The following USP16 variants were observed in gnomAD, a reference collection of about 807,000 sequenced individuals.
USP16 encodes the protein ubiquitin specific peptidase 16.
USP16 carries 77 observed loss-of-function variants against 95.9 expected under a neutral mutation model. The observed-to-expected ratio is 0.80, with a 90% CI of 0.67 to 0.97. The LOEUF (loss-of-function observed/expected upper bound fraction) is 0.97, where lower values mean the gene tolerates loss of function less well. Ranked by LOEUF, USP16 falls within the 50% of genes least tolerant of loss-of-function variation. The pLI is 0.00. For synonymous variants in USP16, 303 were observed against 318.2 expected, an observed-to-expected ratio of 0.95 and a Z score of 0.51; for missense variants, 943 against 959.9, an observed-to-expected ratio of 0.98 and a Z score of 0.23.
chr21:29,026,213 C>G (rs901030228), intron 1 of USP16, among the ~76,000 whole-genome samples: 2 of 152,120 alleles, frequency 1.3e-5, no homozygotes, highest in Non-Finnish European at 2.9e-5. Context: ...AATCCCAGCA[C>G]TTTGGGAGGC....
At position 29,047,212 on chromosome 21, in the gene USP16, A is replaced by C. The variant is rs189217773; in HGVS notation, c.1902A>C (p.Gln634His). Residue 634 changes from glutamine to histidine, a missense_variant, in exon 14 of 18, where the codon CAA becomes CAC. Physicochemically the swap from Gln to His is conservative, Grantham distance 24. Transcript: ENST00000399976. ...EVFNTDECSI[Q>H]HCLYQFTRNE... is the part of the protein sequence containing the mutation. ...TCAATACTGATGAGTGTTCAATCCA[A>C]CATTGTTTATATCAGTTCACCCGTA... 6.2e-7 allele frequency: 1 copy of C among 1,614,154 alleles called. No homozygotes were observed. The highest frequency in any genetic ancestry group is 1.3e-5 in the African/African-American group (1 of 75,056).
chr21:29,047,074 T>C lies in USP16; in HGVS notation c.1764T>C (p.Asp588=), dbSNP rs2085337124. The C allele has an allele frequency of 6.2e-7, 1 of 1,614,068 alleles. No homozygotes were observed. Among genetic ancestry groups the C allele is most frequent in the Non-Finnish European group, 8.5e-7 (1 of 1,180,008 alleles). The change falls in exon 14 of 18, where the codon GAT becomes GAC. Residue 588 remains aspartate, a synonymous_variant. Coordinates refer to ENST00000399976, the MANE Select transcript of USP16 (RefSeq NM_006447.3). ...NLNLNAALHP[D]EINIEILNDS... is the part of the protein sequence containing the mutation. ...ATTTGAATGCTGCTCTTCATCCTGA[T>C]GAAATAAATATAGAGATTCTGAATG...
At position 29,030,637 on chromosome 21, in the gene USP16, A is replaced by G. The variant is rs1435019883; in HGVS notation, c.104A>G (p.Asn35Ser). The G allele has an allele frequency of 6.2e-7, 1 of 1,613,448 alleles. No homozygotes were observed. The highest frequency in any genetic ancestry group is 1.1e-5 in the South Asian group (1 of 90,880). ...RHIRKGLEQG[N>S]LKKALVNVEW... Reference sequence around the variant, plus strand: ...ATTAGAAAAGGATTGGAACAAGGTAATTTGAAAAAGGCTTTAGTGAATGTG... The same window carrying G: ...ATTAGAAAAGGATTGGAACAAGGTAGTTTGAAAAAGGCTTTAGTGAATGTG... The change falls in exon 3 of 18, where the codon AAT (asparagine) becomes AGT (serine). Residue 35 changes from asparagine to serine, a missense_variant. Coordinates refer to ENST00000399976, the MANE Select transcript of USP16 (RefSeq NM_006447.3).
chr21:29,047,376 C>T (rs989831610), intron 14 of USP16, 55 bp downstream of exon 14: 16 of 1,532,814 alleles, frequency 1.0e-5, no homozygotes, highest in Admixed American at 9.9e-5. Context: ...ACATTTTGCA[C>T]TGCATAGGTA....
intron 2 of USP16, among the ~76,000 whole-genome samples, chr21:29,029,026 C>A: frequency 6.6e-6 from 1 of 152,172 alleles, no homozygotes; most frequent in Non-Finnish European, 1.5e-5. Context: ...TTCCAGGCCC[C>A]CTATTAGCGT....
At chr21:29,029,491 C>A (rs2085047146) in intron 2 of USP16, among the ~76,000 whole-genome samples, 1 of 152,178 alleles carries the variant, frequency 6.6e-6, no homozygotes, top group African/African-American at 2.4e-5. Context: ...GTAGTTTTTC[C>A]ACCTGATCCC....
At chr21:29,038,464 T>G in intron 7 of USP16, 34 bp downstream of exon 7, 1 of 1,423,398 alleles carries the variant, frequency 7.0e-7, no homozygotes, top group Non-Finnish European at 9.9e-7. Flanking sequence ...TCTGTAACTT[T>G]CCTCTCTGAA....
chr21:29,053,588 A>T (rs552395057), intron 16 of USP16: 1 of 471,274 alleles, frequency 2.1e-6, no homozygotes, highest in Non-Finnish European at 3.6e-6. Flanking sequence ...TGTGGCTTAC[A>T]GCTTTTCTAC....
At position 29,054,402 on chromosome 21, in the gene USP16, A is replaced by G; in HGVS notation, c.*215A>G. ...TTTTATTCCTGCTTTGTTTCTGGAA[A>G]GGAAATCCTGAATTACTTAAGTACT... On this transcript the variant is annotated 3_prime_UTR_variant, in exon 18 of 18. Coordinates refer to ENST00000399976, the MANE Select transcript of USP16 (RefSeq NM_006447.3). The G allele has an allele frequency of 1.6e-6, 1 of 621,340 alleles. No individual in the cohort carries two copies. The highest frequency in any genetic ancestry group is 2.6e-6 in the Non-Finnish European group (1 of 383,530). The allele number at this position is 621,340 out of a possible 1,614,324, so 38.5% of individuals were successfully genotyped here.
At chr21:29,025,016 C>A (rs966861417) in intron 1 of USP16, 8 of 319,200 alleles carry the variant, frequency 2.5e-5, no homozygotes, top group African/African-American at 1.5e-4. Flanking sequence ...GAGGTTCCCC[C>A]GTGGGATCGG....
At chr21:29,028,867 C>A (rs1290766468) in intron 2 of USP16, among the ~76,000 whole-genome samples, 1 of 152,198 alleles carries the variant, frequency 6.6e-6, no homozygotes, top group Non-Finnish European at 1.5e-5. Context: ...ATGAATGGCT[C>A]AGTAGTAAAC....
chr21:29,026,143 A>G (rs1407374070), intron 1 of USP16, among the ~76,000 whole-genome samples: 1 of 152,154 alleles, frequency 6.6e-6, no homozygotes, highest in African/African-American at 2.4e-5. Context: ...GGAGGGTACA[A>G]AGTGTTTTGG....
In USP16 at chr21:29,054,343, A is replaced by C; in HGVS notation, c.*156A>C. On this transcript the variant is annotated 3_prime_UTR_variant, in exon 18 of 18. Transcript: ENST00000399976. The stretch of plus-strand genomic sequence containing the variant: ...TAAATATTGAAGGGAAAAATACCTA[A>C]AAATGTACAAAGGTTTTATATTGTC... 15 of 974,114 alleles carry C rather than the reference A, an allele frequency of 1.5e-5. No homozygotes were observed. The highest frequency in any genetic ancestry group is 2.2e-5 in the Non-Finnish European group (15 of 682,938). The allele number at this position is 974,114 out of a possible 1,614,324, so 60.3% of individuals were successfully genotyped here.
Position 29,042,071 on chromosome 21 carries a change from A to G in USP16, c.1089A>G (p.Leu363=), listed in dbSNP as rs1456635195. 6.2e-7 allele frequency: 1 copy of G among 1,613,410 alleles called. No individual in the cohort carries two copies. Among genetic ancestry groups the G allele is most frequent in the East Asian group, 2.2e-5 (1 of 44,818 alleles). Residue 363 remains leucine (L), a synonymous_variant, in exon 11 of 18, where the codon CTA becomes CTG. Coordinates refer to ENST00000399976, the MANE Select transcript of USP16 (RefSeq NM_006447.3). ...SFVDRIFGGE[L]TSMIMCDQCR... ...TTGACCGCATCTTTGGTGGTGAACT[A>G]ACTAGTATGATCATGTGTGATCAAT...
chr21:29,051,924 A>G (rs1334969704), intron 16 of USP16, among the ~76,000 whole-genome samples: 1 of 151,958 alleles, frequency 6.6e-6, no homozygotes, highest in Non-Finnish European at 1.5e-5. Context: ...ATTGAGGACT[A>G]TGACAAGGTA....
chr21:29,050,120 A>G lies in USP16; in HGVS notation c.2135A>G (p.Lys712Arg), dbSNP rs2085392035. ...QAGFNLRKVN[K>R]HIKFPEILDL... ...GGTTTTAACCTACGCAAAGTTAACA[A>G]ACACATAAAGTTTCCGGAAATCTTA... Residue 712 changes from lysine to arginine, a missense_variant, in exon 16 of 18, where the codon AAA becomes AGA. By Grantham distance (26) the Lys-to-Arg change is conservative. Transcript: ENST00000399976. The G allele has an allele frequency of 1.2e-6, 2 of 1,613,704 alleles. No individual in the cohort carries two copies. The highest frequency in any genetic ancestry group is 1.7e-6 in the Non-Finnish European group (2 of 1,179,902).
chr21:29,038,042 C>T (rs57057123), intron 6 of USP16, among the ~76,000 whole-genome samples: 1 of 152,118 alleles, frequency 6.6e-6, no homozygotes, highest in African/African-American at 2.4e-5. Context: ...CAAATACGTA[C>T]CTACAGGTAG....
At chr21:29,037,076 T>G (rs1055918309) in intron 5 of USP16, among the ~76,000 whole-genome samples, 200 bp from the exon 6 acceptor site, 2 of 152,230 alleles carry the variant, frequency 1.3e-5, no homozygotes, top group Non-Finnish European at 2.9e-5. Context: ...ACTTTAGGTC[T>G]GAGTATTTTT....
chr21:29,033,835 T>C (rs2146366979), intron 3 of USP16, among the ~76,000 whole-genome samples: 2 of 152,352 alleles, frequency 1.3e-5, no homozygotes, highest in South Asian at 4.1e-4. Flanking sequence ...TATTTTCTCA[T>C]CTGGGAGATA....
Sources: allele counts gnomAD v4.1 joint callset (sites outside exome capture counted in the v4.1 genomes callset), GRCh38; gene constraint gnomAD v4.1.1; transcripts MANE v1.5; gene names NCBI Gene and HGNC (gene_info 2026-07-23, HGNC 2026-07-21).